The following ELMO1 variants were observed in gnomAD, a reference collection of about 807,000 sequenced individuals.
The protein encoded by ELMO1 is engulfment and cell motility protein 1.
ELMO1 carries 26 observed loss-of-function variants against 98.9 expected under a neutral mutation model. The observed-to-expected ratio is 0.26, with a 90% CI of 0.19 to 0.36. The LOEUF (loss-of-function observed/expected upper bound fraction) is 0.36. Among genes scored for constraint, ELMO1 ranks in the 10% least tolerant of loss-of-function variants. The pLI, the probability that ELMO1 is intolerant of heterozygous loss-of-function variation, is 1.00. For synonymous variants in ELMO1, 346 were observed against 346.0 expected (o/e 1.00, Z 0.00); for missense variants, 627 against 935.2 (o/e 0.67, Z 4.30).
Position 37,202,060 on chromosome 7 carries a change from G to T in ELMO1, c.1086+9326C>A, listed in dbSNP as rs146364027. ...GGGTCTGGTGGACTGGCTAGGACTGGCAGAGCTTCCCTGCAGAGCACCCCG... is the reference window on the plus strand; with the variant it reads ...GGGTCTGGTGGACTGGCTAGGACTGTCAGAGCTTCCCTGCAGAGCACCCCG... On this transcript the variant is annotated intron_variant, in intron 13 of 21. Coordinates refer to ENST00000310758, the MANE Select transcript of ELMO1 (RefSeq NM_014800.11). Among the ~76,000 whole-genome samples the T allele has an allele frequency of 1.3e-4, 20 of 152,304 alleles. 1 individual carries two copies. In the East Asian group the frequency reaches 3.7e-3, roughly 28 times the overall value.
At chr7:37,447,000 A>G (rs1035098454) in intron 1 of ELMO1, among the ~76,000 whole-genome samples, 4 of 152,120 alleles carry the variant, frequency 2.6e-5, no homozygotes, top group Non-Finnish European at 4.4e-5. Context: ...ACTTACCATT[A>G]TTTTCCCCCA....
chr7:37,091,429 G>T (rs1302225060), intron 15 of ELMO1, among the ~76,000 whole-genome samples: 1 of 152,122 alleles, frequency 6.6e-6, no homozygotes, highest in Non-Finnish European at 1.5e-5. Context: ...TTTCTTTCAG[G>T]ACAAGTGCTT....
chr7:36,978,006 C>T (rs1790718315), intron 16 of ELMO1, among the ~76,000 whole-genome samples: 1 of 151,968 alleles, frequency 6.6e-6, no homozygotes, highest in Non-Finnish European at 1.5e-5. Flanking sequence ...GCAGGTTAAT[C>T]CATATATACT....
chr7:37,294,104 A>C (rs1456905752), intron 4 of ELMO1, among the ~76,000 whole-genome samples: 1 of 150,254 alleles, frequency 6.7e-6, no homozygotes, highest in Non-Finnish European at 1.5e-5. Flanking sequence ...ATATTTTCAG[A>C]ATCAATACAA....
At chr7:37,254,511 A>G (rs947252502) in intron 6 of ELMO1, among the ~76,000 whole-genome samples, 4 of 152,228 alleles carry the variant, frequency 2.6e-5, no homozygotes, top group African/African-American at 9.6e-5. Context: ...TATAGCCTAC[A>G]ACACACCTAG....
chr7:37,331,481 G>T (rs1212685916), intron 2 of ELMO1, among the ~76,000 whole-genome samples: 1 of 151,516 alleles, frequency 6.6e-6, no homozygotes, highest in Non-Finnish European at 1.5e-5. Context: ...CACGCCCAGT[G>T]ACTACTGCAT....
intron 18 of ELMO1, among the ~76,000 whole-genome samples, chr7:36,879,308 C>A (rs6978879): frequency 6.6e-6 from 1 of 152,176 alleles, no homozygotes; most frequent in Non-Finnish European, 1.5e-5. Flanking sequence ...AGACCCAAAG[C>A]GACCTGATCA....
At chr7:37,008,009 G>A (rs1450127680) in intron 16 of ELMO1, among the ~76,000 whole-genome samples, 1 of 152,164 alleles carries the variant, frequency 6.6e-6, no homozygotes, top group East Asian at 1.9e-4. Context: ...GCTCTATTGT[G>A]TGCGCTTAGT....
intron 13 of ELMO1, among the ~76,000 whole-genome samples, chr7:37,191,811 A>G (rs727189): frequency 0.83 from 125,663 of 152,186 alleles, 52,209 homozygotes; most frequent in African/African-American, 0.91. Context: ...CCAGCTACTC[A>G]GGAGGCTGAG....
intron 16 of ELMO1, among the ~76,000 whole-genome samples, chr7:36,914,423 A>G (rs1218946417): frequency 2.6e-5 from 4 of 152,254 alleles, no homozygotes; most frequent in Admixed American, 2.6e-4. Context: ...TAGAGATGAT[A>G]AAATTTACCC....
chr7:36,900,289 A>T (rs573010483), intron 16 of ELMO1, among the ~76,000 whole-genome samples: 140 of 152,356 alleles, frequency 9.2e-4, no homozygotes, highest in African/African-American at 3.2e-3. Context: ...TTATTGGTGT[A>T]CATTTCATGC....
At chr7:37,172,819 A>T (rs1790259523) in intron 13 of ELMO1, among the ~76,000 whole-genome samples, 1 of 152,218 alleles carries the variant, frequency 6.6e-6, no homozygotes, top group Non-Finnish European at 1.5e-5. Flanking sequence ...ATGTACGGGT[A>T]TAAGTACTGC....
chr7:37,119,262 A>G (rs756399289), intron 14 of ELMO1, among the ~76,000 whole-genome samples: 7 of 152,216 alleles, frequency 4.6e-5, no homozygotes, highest in Non-Finnish European at 1.0e-4. Flanking sequence ...GAACAGAGAG[A>G]TCTACAGACT....
intron 13 of ELMO1, among the ~76,000 whole-genome samples, chr7:37,160,045 G>A (rs1330432083): frequency 2.0e-5 from 3 of 152,158 alleles, no homozygotes; most frequent in Non-Finnish European, 4.4e-5. Context: ...AAGTAGGTTT[G>A]ATAATTTCAG....
intron 14 of ELMO1, among the ~76,000 whole-genome samples, chr7:37,118,360 C>A (rs967600945): frequency 6.6e-6 from 1 of 152,174 alleles, no homozygotes; most frequent in Admixed American, 6.5e-5. Flanking sequence ...TTATAATATA[C>A]TCGTGTGACT....
intron 2 of ELMO1, 23 bp from the exon 3 acceptor site, chr7:37,315,983 A>T: frequency 7.1e-7 from 1 of 1,403,392 alleles, no homozygotes; most frequent in Non-Finnish European, 9.3e-7. Flanking sequence ...AAAAAAGGAA[A>T]TACTTGTTAG....
At chr7:37,349,608 C>A (rs1278837932) in intron 1 of ELMO1, among the ~76,000 whole-genome samples, 1 of 152,180 alleles carries the variant, frequency 6.6e-6, no homozygotes, top group Non-Finnish European at 1.5e-5. Context: ...CAGGCACCAC[C>A]TTGCGTGGCT....
intron 14 of ELMO1, among the ~76,000 whole-genome samples, chr7:37,115,754 A>G (rs1005451778): frequency 5.1e-5 from 7 of 136,402 alleles, no homozygotes; most frequent in African/African-American, 1.6e-4. Flanking sequence ...GTGCAATAAG[A>G]AAAAAAAAAA....
intron 13 of ELMO1, among the ~76,000 whole-genome samples, chr7:37,205,838 G>A (rs949631433): frequency 6.6e-6 from 1 of 152,154 alleles, no homozygotes; most frequent in African/African-American, 2.4e-5. Context: ...AGGCAAATTT[G>A]CAAATACGGA....
Sources: allele counts gnomAD v4.1 joint callset (sites outside exome capture counted in the v4.1 genomes callset), GRCh38; gene constraint gnomAD v4.1.1; transcripts MANE v1.5; gene names NCBI Gene and HGNC (gene_info 2026-07-23, HGNC 2026-07-21).